GHR: variants seen among roughly 807,000 people sequenced by gnomAD.
The protein encoded by GHR is GH receptor.
In GHR, 35 loss-of-function variants were observed where a neutral mutation model predicts 67.1. The observed-to-expected ratio is 0.52, with a 90% CI of 0.40 to 0.69. GHR has a LOEUF of 0.69. Among genes scored for constraint, GHR ranks in the 30% least tolerant of loss-of-function variants. The probability of loss-of-function intolerance (pLI) is 0.00; values close to 1 mark genes in which losing one functional copy is unlikely to be tolerated. For missense variants in GHR, 792 were observed against 764.6 expected (o/e 1.04, Z -0.42); for synonymous variants, 272 against 269.1 (o/e 1.01, Z -0.10).
chr5:42,548,475 G>A (rs1177329682), intron 1 of GHR: 1 of 985,018 alleles, frequency 1.0e-6, no homozygotes, highest in Non-Finnish European at 1.2e-6. Flanking sequence ...ATAAAGCCTG[G>A]AGGAAACAAT....
intron 1 of GHR, among the ~76,000 whole-genome samples, chr5:42,433,732 A>ATTTTTT (rs35539827): frequency 6.2e-4 from 48 of 77,566 alleles, no homozygotes; most frequent in East Asian, 7.2e-4. Context: ...AAGATATGGT[A>ATTTTTT]TTTTTTTTTT....
chr5:42,576,090 A>AAAAT (rs1491270476), intron 2 of GHR, among the ~76,000 whole-genome samples: 35 of 90,730 alleles, frequency 3.9e-4, no homozygotes, highest in Middle Eastern at 5.2e-3. Context: ...AAAATAAAAT[A>AAAAT]AAATAAAATA....
At chr5:42,599,132 T>A (rs1752232268) in intron 2 of GHR, among the ~76,000 whole-genome samples, 1 of 152,218 alleles carries the variant, frequency 6.6e-6, no homozygotes, top group Non-Finnish European at 1.5e-5. Flanking sequence ...ATGAAGCTTT[T>A]CTCTAAGAGA....
intron 2 of GHR, among the ~76,000 whole-genome samples, chr5:42,586,861 G>A (rs901657076): frequency 5.9e-5 from 9 of 152,160 alleles, no homozygotes; most frequent in African/African-American, 1.9e-4. Flanking sequence ...GCCTGAGCAC[G>A]TGGCACTGGG....
chr5:42,476,193 G>A (rs916141382), intron 1 of GHR, among the ~76,000 whole-genome samples: 3 of 151,066 alleles, frequency 2.0e-5, no homozygotes, highest in Non-Finnish European at 2.9e-5. Flanking sequence ...GTGAGCCACC[G>A]CGCCCGGCTT....
At chr5:42,644,761 G>A (rs1188503104) in intron 3 of GHR, among the ~76,000 whole-genome samples, 1 of 151,666 alleles carries the variant, frequency 6.6e-6, no homozygotes, top group Non-Finnish European at 1.5e-5. Context: ...ATTGCTATAT[G>A]TTGATAATTG....
At chr5:42,468,319 G>A in intron 1 of GHR, 1 of 1,567,554 alleles carries the variant, frequency 6.4e-7, no homozygotes, top group South Asian at 1.1e-5. Context: ...CAATTCTGCA[G>A]TCATCTTCTC....
At chr5:42,540,714 C>A (rs1748470367) in intron 1 of GHR, among the ~76,000 whole-genome samples, 1 of 151,670 alleles carries the variant, frequency 6.6e-6, no homozygotes, top group South Asian at 2.1e-4. Flanking sequence ...CGCTCTCAGG[C>A]TGCCCTGCAG....
At chr5:42,660,719 G>A (rs141000044) in intron 3 of GHR, among the ~76,000 whole-genome samples, 2,884 of 152,324 alleles carry the variant, frequency 0.019, 51 homozygotes, top group Non-Finnish European at 0.029. Flanking sequence ...CTCCTCCAAA[G>A]GAACGCAGTT....
At chr5:42,475,020 A>AT (rs1269870854) in intron 1 of GHR, among the ~76,000 whole-genome samples, 1 of 151,188 alleles carries the variant, frequency 6.6e-6, no homozygotes, top group Non-Finnish European at 1.5e-5. Flanking sequence ...AGTAGCTTGG[A>AT]TTATAGGCAC....
chr5:42,492,066 T>C (rs1439507790), intron 1 of GHR, among the ~76,000 whole-genome samples: 2 of 152,196 alleles, frequency 1.3e-5, no homozygotes, highest in Admixed American at 6.5e-5. Context: ...GGACAGATAG[T>C]TCTGGCTTTT....
intron 3 of GHR, among the ~76,000 whole-genome samples, chr5:42,656,019 A>G (rs1217965944): frequency 1.3e-5 from 2 of 152,180 alleles, no homozygotes. Flanking sequence ...CTTATTTGTT[A>G]TACAATTATT....
intron 3 of GHR, among the ~76,000 whole-genome samples, chr5:42,686,037 A>G (rs1757122782): frequency 6.6e-6 from 1 of 152,098 alleles, no homozygotes; most frequent in Non-Finnish European, 1.5e-5. Flanking sequence ...CCTGAATGGT[A>G]TTGCCTAGGT....
At chr5:42,612,980 C>T (rs1228186447) in intron 2 of GHR, among the ~76,000 whole-genome samples, 1 of 152,092 alleles carries the variant, frequency 6.6e-6, no homozygotes, top group African/African-American at 2.4e-5. Context: ...GCCTCACTTA[C>T]TCATAAAATG....
Position 42,565,887 on chromosome 5 carries a change from C to A in GHR, c.13C>A (p.Gln5Lys). 2 of 1,613,946 alleles carry A rather than the reference C, an allele frequency of 1.2e-6. No individual in the cohort carries two copies. The highest frequency in any genetic ancestry group is 1.7e-6 in the Non-Finnish European group (2 of 1,179,842). Residue 5 changes from glutamine (Q) to lysine (K), a missense_variant, in exon 2 of 10, where the codon CAG becomes AAG. Transcript: ENST00000230882. The part of the protein sequence containing the change: MDLW[Q>K]LLLTLALAGS... ...AGGTCCTACAGGTATGGATCTCTGGCAGCTGCTGTTGACCTTGGCACTGGC... is the reference window on the plus strand; with the variant it reads ...AGGTCCTACAGGTATGGATCTCTGGAAGCTGCTGTTGACCTTGGCACTGGC...
At chr5:42,521,052 A>G (rs887705217) in intron 1 of GHR, among the ~76,000 whole-genome samples, 5 of 152,142 alleles carry the variant, frequency 3.3e-5, no homozygotes, top group African/African-American at 1.2e-4. Flanking sequence ...GAAGTAGGAA[A>G]CCTTTACCAC....
intron 2 of GHR, among the ~76,000 whole-genome samples, chr5:42,590,395 T>TTTC (rs974041729): frequency 2.0e-5 from 3 of 152,200 alleles, no homozygotes; most frequent in African/African-American, 4.8e-5. Flanking sequence ...AAACTAGTGT[T>TTTC]TTCTACTCAG....
intron 1 of GHR, among the ~76,000 whole-genome samples, chr5:42,446,446 G>C (rs1427498939): frequency 1.3e-5 from 2 of 152,228 alleles, no homozygotes; most frequent in African/African-American, 4.8e-5. Flanking sequence ...TTCGAGGGCA[G>C]GTGAAGGGAA....
intron 6 of GHR, among the ~76,000 whole-genome samples, chr5:42,702,393 G>T (rs1279688129): frequency 6.6e-6 from 1 of 151,850 alleles, no homozygotes; most frequent in Non-Finnish European, 1.5e-5. Context: ...CTTTTTTTAA[G>T]GCTGATAGCA....
Sources: gnomAD v4.1 joint callset for allele counts (sites outside exome capture counted in the v4.1 genomes callset) on GRCh38, gnomAD v4.1.1 for gene constraint, MANE v1.5 for transcripts, NCBI Gene and HGNC (gene_info 2026-07-23, HGNC 2026-07-21) for gene names.